The following AGBL4 variants were observed in gnomAD, a reference collection of about 807,000 sequenced individuals.
AGBL4 encodes the protein AGBL carboxypeptidase 4.
A neutral mutation model predicts 66.4 loss-of-function variants in AGBL4; 58 were observed. That is an observed-to-expected ratio of 0.87 (90% CI 0.71 to 1.09). The LOEUF (loss-of-function observed/expected upper bound fraction) is 1.09. Among genes scored for constraint, AGBL4 ranks in the 50% least tolerant of loss-of-function variants. AGBL4 has a pLI of 0.00. For synonymous variants in AGBL4, 234 were observed against 222.9 expected (o/e 1.05, Z -0.44); for missense variants, 579 against 631.0 (o/e 0.92, Z 0.88).
chr1:49,109,540 C>G (rs1645364495), intron 4 of AGBL4, among the ~76,000 whole-genome samples: 1 of 152,142 alleles, frequency 6.6e-6, no homozygotes, highest in Non-Finnish European at 1.5e-5. Flanking sequence ...GCCCACCTCA[C>G]AGAGTAGTTT....
chr1:49,392,570 A>C, intron 3 of AGBL4, among the ~76,000 whole-genome samples: 1 of 152,224 alleles, frequency 6.6e-6, no homozygotes, highest in East Asian at 1.9e-4. Flanking sequence ...TTAGTTCCTT[A>C]GGCTTAGTTC....
At chr1:49,948,219 T>A (rs1347370902) in intron 1 of AGBL4, among the ~76,000 whole-genome samples, 5 of 103,546 alleles carry the variant, frequency 4.8e-5, no homozygotes, top group African/African-American at 2.1e-4. Context: ...TATAAATATA[T>A]ATAAATATAT....
intron 1 of AGBL4, among the ~76,000 whole-genome samples, chr1:49,960,681 T>C (rs1014687960): frequency 6.6e-5 from 10 of 152,238 alleles, no homozygotes; most frequent in Non-Finnish European, 7.4e-5. Flanking sequence ...CATGGATAAG[T>C]ACAATCACTT....
intron 3 of AGBL4, among the ~76,000 whole-genome samples, chr1:49,479,959 G>C (rs965671450): frequency 6.6e-6 from 1 of 151,660 alleles, no homozygotes; most frequent in South Asian, 2.1e-4. Flanking sequence ...CACCCGCCTC[G>C]ACCTCCCAAA....
chr1:48,722,829 C>T (rs1647173800), intron 6 of AGBL4, among the ~76,000 whole-genome samples: 1 of 152,152 alleles, frequency 6.6e-6, no homozygotes, highest in Non-Finnish European at 1.5e-5. Context: ...TCCTGAGTCT[C>T]ATCTACAGGG....
chr1:49,290,905 G>C (rs1187795511), intron 3 of AGBL4, among the ~76,000 whole-genome samples: 1 of 152,192 alleles, frequency 6.6e-6, no homozygotes, highest in Non-Finnish European at 1.5e-5. Flanking sequence ...AGCTGCTTTG[G>C]TGGTTGAGGT....
At chr1:48,664,910 T>C (rs1646161935) in intron 6 of AGBL4, among the ~76,000 whole-genome samples, 1 of 152,218 alleles carries the variant, frequency 6.6e-6, no homozygotes, top group Admixed American at 6.5e-5. Context: ...GAAGGATTTA[T>C]CAATGTTTGA....
chr1:48,752,261 A>C (rs1368961861), intron 6 of AGBL4, among the ~76,000 whole-genome samples: 1 of 152,186 alleles, frequency 6.6e-6, no homozygotes, highest in African/African-American at 2.4e-5. Context: ...TGAAAGAGAC[A>C]GGAAAGAGCT....
chr1:49,101,188 C>CTT (rs921139596), intron 4 of AGBL4, among the ~76,000 whole-genome samples: 1 of 143,960 alleles, frequency 6.9e-6, no homozygotes, highest in Non-Finnish European at 1.5e-5. Flanking sequence ...ACTTTTTATT[C>CTT]TTTTTTTTTT....
At chr1:49,739,032 AC>A (rs1650163767) in intron 2 of AGBL4, among the ~76,000 whole-genome samples, 1 of 152,210 alleles carries the variant, frequency 6.6e-6, no homozygotes. Context: ...TTCCTCACCA[AC>A]AATGGAACAA....
intron 3 of AGBL4, among the ~76,000 whole-genome samples, chr1:49,690,366 A>G (rs997650759): frequency 6.6e-6 from 1 of 152,174 alleles, no homozygotes; most frequent in Non-Finnish European, 1.5e-5. Flanking sequence ...CCTTTTAGGT[A>G]GGAGGATTAT....
chr1:48,785,988 C>T (rs1282576665), intron 6 of AGBL4, among the ~76,000 whole-genome samples: 1 of 151,618 alleles, frequency 6.6e-6, no homozygotes. Context: ...CACAAGTCCT[C>T]ATAGGGCCAG....
At chr1:49,685,203 T>C (rs1014823639) in intron 3 of AGBL4, among the ~76,000 whole-genome samples, 8 of 152,214 alleles carry the variant, frequency 5.3e-5, no homozygotes, top group African/African-American at 1.9e-4. Context: ...GATATACCCA[T>C]GTTGCTGCAA....
intron 1 of AGBL4, among the ~76,000 whole-genome samples, chr1:49,890,541 T>C (rs1648539114): frequency 6.6e-6 from 1 of 152,178 alleles, no homozygotes; most frequent in Non-Finnish European, 1.5e-5. Context: ...TATAAGTAAA[T>C]AATACTATGG....
At chr1:49,094,615 C>T (rs1021704208) in intron 4 of AGBL4, among the ~76,000 whole-genome samples, 3 of 151,884 alleles carry the variant, frequency 2.0e-5, no homozygotes, top group African/African-American at 7.3e-5. Context: ...ATTTTTGCAT[C>T]GATGTTCATC....
At chr1:49,936,797 T>G (rs1308434850) in intron 1 of AGBL4, among the ~76,000 whole-genome samples, 1 of 152,024 alleles carries the variant, frequency 6.6e-6, no homozygotes, top group Non-Finnish European at 1.5e-5. Flanking sequence ...GCTGAGAGAT[T>G]TTGTCACCAC....
chr1:49,711,206 T>C (rs933059586), intron 2 of AGBL4, among the ~76,000 whole-genome samples: 2 of 152,068 alleles, frequency 1.3e-5, no homozygotes, highest in Admixed American at 1.3e-4. Context: ...TAAAGGTAAA[T>C]GTACACCAAT....
At chr1:49,228,701 A>G (rs972702089) in intron 4 of AGBL4, among the ~76,000 whole-genome samples, 3 of 152,142 alleles carry the variant, frequency 2.0e-5, no homozygotes, top group African/African-American at 7.2e-5. Flanking sequence ...TTGTGTTTTA[A>G]AAGATCATGC....
chr1:49,771,680 T>A (rs959867149), intron 2 of AGBL4, among the ~76,000 whole-genome samples: 1 of 152,114 alleles, frequency 6.6e-6, no homozygotes, highest in African/African-American at 2.4e-5. Flanking sequence ...TACTCCTATG[T>A]TCAGTGCATA....
Sources: allele counts gnomAD v4.1 joint callset (sites outside exome capture counted in the v4.1 genomes callset), GRCh38; gene constraint gnomAD v4.1.1; transcripts MANE v1.5; gene names NCBI Gene and HGNC (gene_info 2026-07-23, HGNC 2026-07-21).